The following CSRNP3 variants were observed in gnomAD, a reference collection of about 807,000 sequenced individuals.
CSRNP3 encodes the protein cysteine and serine rich nuclear protein 3.
CSRNP3 carries 12 observed loss-of-function variants against 48.0 expected under a neutral mutation model. That is an observed-to-expected ratio of 0.25 (90% CI 0.16 to 0.41). CSRNP3 has a LOEUF of 0.41. Ranked by LOEUF, CSRNP3 falls within the 10% of genes least tolerant of loss-of-function variation. The pLI, the probability that CSRNP3 is intolerant of heterozygous loss-of-function variation, is 1.00. For missense variants in CSRNP3, 580 were observed against 724.4 expected (o/e 0.80, Z 2.29); for synonymous variants, 263 against 269.7 (o/e 0.98, Z 0.24).
At chr2:165,636,815 A>G (rs1686635329) in intron 4 of CSRNP3, among the ~76,000 whole-genome samples, 1 of 152,178 alleles carries the variant, frequency 6.6e-6, no homozygotes, top group African/African-American at 2.4e-5. Context: ...TAGAGTATTA[A>G]GCATTAATTA....
At chr2:165,541,223 T>C (rs76663453) in intron 3 of CSRNP3, among the ~76,000 whole-genome samples, 2 of 70,964 alleles carry the variant, frequency 2.8e-5, no homozygotes, top group Non-Finnish European at 6.3e-5. Flanking sequence ...ACCAAATGCA[T>C]TTTTTTTTTT....
At chr2:165,596,110 G>A (rs1315628208) in intron 4 of CSRNP3, among the ~76,000 whole-genome samples, 3 of 149,804 alleles carry the variant, frequency 2.0e-5, no homozygotes, top group African/African-American at 4.9e-5. Context: ...ATGAGCCACT[G>A]CATCCAGCCT....
intron 3 of CSRNP3, among the ~76,000 whole-genome samples, chr2:165,521,179 A>AAAAAAAAG (rs1410688681): frequency 4.0e-5 from 6 of 151,828 alleles, no homozygotes; most frequent in Non-Finnish European, 1.5e-5. Flanking sequence ...AAGCCAAAAA[A>AAAAAAAAG]AAAAAGAAAA....
intron 3 of CSRNP3, among the ~76,000 whole-genome samples, chr2:165,565,955 G>A (rs1194518353): frequency 1.3e-5 from 2 of 151,560 alleles, no homozygotes; most frequent in Admixed American, 6.6e-5. Flanking sequence ...ACCTTTAATC[G>A]GGCCACTGAG....
intron 3 of CSRNP3, among the ~76,000 whole-genome samples, chr2:165,593,208 G>A (rs1424194051): frequency 6.6e-6 from 1 of 152,168 alleles, no homozygotes; most frequent in Non-Finnish European, 1.5e-5. Flanking sequence ...ACCAGGAAAG[G>A]TCAAAGAAGA....
intron 3 of CSRNP3, among the ~76,000 whole-genome samples, chr2:165,530,278 TTTCAA>T (rs1684794449): frequency 6.6e-6 from 1 of 152,110 alleles, no homozygotes; most frequent in African/African-American, 2.4e-5. Flanking sequence ...TGTCAATCAG[TTTCAA>T]TTACTAATCT....
At chr2:165,577,119 T>C (rs1286414248) in intron 3 of CSRNP3, among the ~76,000 whole-genome samples, 1 of 151,226 alleles carries the variant, frequency 6.6e-6, no homozygotes, top group Non-Finnish European at 1.5e-5. Flanking sequence ...ATATTTGTTC[T>C]CCTGAAATTC....
chr2:165,540,708 C>A (rs1684945200), intron 3 of CSRNP3, among the ~76,000 whole-genome samples: 1 of 151,936 alleles, frequency 6.6e-6, no homozygotes, highest in Non-Finnish European at 1.5e-5. Context: ...CTGTAAGATT[C>A]TGGTTACATT....
intron 3 of CSRNP3, among the ~76,000 whole-genome samples, chr2:165,592,632 G>A (rs1574853426): frequency 1.3e-5 from 2 of 152,042 alleles, no homozygotes; most frequent in East Asian, 3.9e-4. Context: ...CTGACAGTGA[G>A]TTCTCACAAG....
rs1328893027 is a variant in CSRNP3 at position 165,500,946 on chromosome 2, T to G, written c.-113+6018T>G. Among the ~76,000 whole-genome samples, 8 of 152,312 alleles carry G rather than the reference T, an allele frequency of 5.3e-5. No individual in the cohort carries two copies. In the Middle Eastern group the frequency reaches 0.01, roughly 194 times the overall value. On this transcript the variant is annotated intron_variant, in intron 2 of 6. Coordinates refer to ENST00000651982, the MANE Select transcript of CSRNP3 (RefSeq NM_001172173.2). ...AACATAGCCTGTCCTATTTTATGAT[T>G]TCCTCCAAAGATGCTGTCCATTATC...
chr2:165,549,916 C>T (rs1685076634), intron 3 of CSRNP3, among the ~76,000 whole-genome samples: 1 of 152,154 alleles, frequency 6.6e-6, no homozygotes, highest in Non-Finnish European at 1.5e-5. Flanking sequence ...GATATCAGTT[C>T]AGTCCTTGGT....
chr2:165,596,798 A>G (rs1685818639), intron 4 of CSRNP3, among the ~76,000 whole-genome samples: 1 of 152,248 alleles, frequency 6.6e-6, no homozygotes, highest in Non-Finnish European at 1.5e-5. Context: ...AAGTGAGTTA[A>G]TACACATGAA....
chr2:165,657,426 A>G (rs1687023202), intron 4 of CSRNP3, among the ~76,000 whole-genome samples: 1 of 152,210 alleles, frequency 6.6e-6, no homozygotes, highest in African/African-American at 2.4e-5. Flanking sequence ...GAAGTCTGAG[A>G]ACATATCCTC....
intron 3 of CSRNP3, among the ~76,000 whole-genome samples, chr2:165,551,200 T>G (rs1184014529): frequency 6.6e-6 from 1 of 152,170 alleles, no homozygotes; most frequent in Non-Finnish European, 1.5e-5. Flanking sequence ...CCCAGTCATT[T>G]CATCTCAATT....
intron 3 of CSRNP3, among the ~76,000 whole-genome samples, chr2:165,584,966 T>C (rs1685604109): frequency 6.6e-6 from 1 of 152,220 alleles, no homozygotes; most frequent in Admixed American, 6.5e-5. Flanking sequence ...TTCAAAGCTG[T>C]CCTGGGCCAC....
intron 4 of CSRNP3, among the ~76,000 whole-genome samples, chr2:165,599,810 TAA>T (rs1481154132): frequency 6.6e-6 from 1 of 151,822 alleles, no homozygotes; most frequent in Non-Finnish European, 1.5e-5. Context: ...TTATTATTGA[TAA>T]GTCCTATTTC....
intron 3 of CSRNP3, among the ~76,000 whole-genome samples, chr2:165,576,664 T>G (rs1170744992): frequency 6.6e-6 from 1 of 152,054 alleles, no homozygotes; most frequent in African/African-American, 2.4e-5. Context: ...AACTTTGAAG[T>G]CTTTTGCAAT....
chr2:165,681,803 A>ATGTATG lies in CSRNP3; in HGVS notation c.*2053_*2054insATGTGT, dbSNP rs1687551112. ...TACACATATATATACACATATATGT[A>ATGTATG]TGTGTGTGTGTGTGTGTGTGTGTGT... is the stretch of plus-strand genomic sequence containing the variant. On this transcript the variant is annotated 3_prime_UTR_variant, in exon 7 of 7. Transcript: ENST00000651982. The ATGTATG allele has an allele frequency of 7.9e-6, 1 of 126,816 alleles. No individual in the cohort carries two copies. Among genetic ancestry groups the ATGTATG allele is most frequent in the African/African-American group, 3.0e-5 (1 of 33,568 alleles). The allele number at this position is 126,816 out of a possible 1,614,324, so 7.9% of individuals were successfully genotyped here.
At position 165,590,567 on chromosome 2, in the gene CSRNP3, C is replaced by T. The variant is rs145509406; in HGVS notation, c.-23-4476C>T. On this transcript the variant is annotated intron_variant, in intron 3 of 6. Coordinates refer to ENST00000651982, the MANE Select transcript of CSRNP3 (RefSeq NM_001172173.2). ...CCAAATCTCATCTTGAGTTGTAGTT[C>T]CCATAATCCCCACATGTCATGGGAT... 3.6e-3 allele frequency among the ~76,000 whole-genome samples: 543 copies of T among 152,270 alleles called. 2 individuals carry two copies. The highest frequency in any genetic ancestry group is 5.5e-3 in the Non-Finnish European group (377 of 68,016).
Sources: allele counts gnomAD v4.1 joint callset (sites outside exome capture counted in the v4.1 genomes callset), GRCh38; gene constraint gnomAD v4.1.1; transcripts MANE v1.5; gene names NCBI Gene and HGNC (gene_info 2026-07-23, HGNC 2026-07-21).